Variants in PRKG1 observed in about 807,000 individuals in gnomAD.
PRKG1 encodes cGMP-dependent protein kinase 1.
In PRKG1, 35 loss-of-function variants were observed where a neutral mutation model predicts 88.1. The ratio of observed to expected loss-of-function variants is 0.40; its 90% CI spans 0.30 to 0.53. The LOEUF (loss-of-function observed/expected upper bound fraction) is 0.53, where lower values mean the gene tolerates loss of function less well. Ranked by LOEUF, PRKG1 falls within the 20% of genes least tolerant of loss-of-function variation. The pLI is 0.59. For missense variants in PRKG1, 540 were observed against 839.8 expected (o/e 0.64, Z 4.41); for synonymous variants, 303 against 292.5 (o/e 1.04, Z -0.37).
chr10:51,327,255 A>G (rs977525965), intron 2 of PRKG1, among the ~76,000 whole-genome samples: 1 of 151,982 alleles, frequency 6.6e-6, no homozygotes, highest in Non-Finnish European at 1.5e-5. Flanking sequence ...TCTCTACTGA[A>G]AATACGAAAA....
chr10:51,114,450 T>G (rs1845059051), intron 1 of PRKG1, among the ~76,000 whole-genome samples: 1 of 151,774 alleles, frequency 6.6e-6, no homozygotes, highest in South Asian at 2.1e-4. Flanking sequence ...TGTGTGTGTG[T>G]GTGGATGTGC....
intron 3 of PRKG1, among the ~76,000 whole-genome samples, chr10:51,780,758 T>A (rs1954624): frequency 1.1e-3 from 166 of 152,240 alleles, no homozygotes; most frequent in Middle Eastern, 3.4e-3. Context: ...TAGCTGATGA[T>A]TGGGGAATTT....
chr10:51,862,135 G>A (rs1422815122), intron 4 of PRKG1, among the ~76,000 whole-genome samples: 1 of 152,202 alleles, frequency 6.6e-6, no homozygotes, highest in Admixed American at 6.5e-5. Context: ...TGCCCACAGT[G>A]TGGCAAACAA....
intron 7 of PRKG1, among the ~76,000 whole-genome samples, chr10:52,093,670 G>C (rs1330691815): frequency 6.6e-6 from 1 of 152,024 alleles, no homozygotes; most frequent in African/African-American, 2.4e-5. Context: ...TTTCTTCTTT[G>C]TTTTGAATTA....
At chr10:51,056,439 T>C (rs190194622) in intron 1 of PRKG1, among the ~76,000 whole-genome samples, 3 of 152,324 alleles carry the variant, frequency 2.0e-5, no homozygotes, top group Admixed American at 2.0e-4. Flanking sequence ...AATGCTTGTT[T>C]ATTATAAGAA....
At chr10:51,102,737 A>T (rs1210367849) in intron 1 of PRKG1, among the ~76,000 whole-genome samples, 2 of 152,198 alleles carry the variant, frequency 1.3e-5, no homozygotes, top group Admixed American at 6.6e-5. Flanking sequence ...CATCTATGTG[A>T]ACAGGGCTTC....
chr10:51,744,175 C>T (rs758298949), intron 3 of PRKG1, among the ~76,000 whole-genome samples: 18 of 151,896 alleles, frequency 1.2e-4, no homozygotes, highest in Admixed American at 4.6e-4. Context: ...ATGGGCAGGC[C>T]ATAGATTTTC....
intron 2 of PRKG1, among the ~76,000 whole-genome samples, chr10:51,243,357 A>G (rs986547576): frequency 6.6e-6 from 1 of 152,210 alleles, no homozygotes; most frequent in African/African-American, 2.4e-5. Context: ...GGAAAAGCTC[A>G]GTCCCTGGAA....
In PRKG1 at chr10:51,084,919, T is replaced by C. The variant is rs181959649; in HGVS notation, c.311+10018T>C. Among the ~76,000 whole-genome samples the C allele has an allele frequency of 2.1e-3, 327 of 152,342 alleles. 1 individual carries two copies. Among genetic ancestry groups the C allele is most frequent in the African/African-American group, 7.6e-3 (314 of 41,570 alleles). ...GGTAATATCAAGCTTTCACCAGATC[T>C]TGGCCAAGGAATAAGGAGATAATGT... On this transcript the variant is annotated intron_variant, in intron 1 of 17. Coordinates refer to ENST00000373980, the MANE Select transcript of PRKG1 (RefSeq NM_006258.4).
intron 2 of PRKG1, among the ~76,000 whole-genome samples, chr10:51,414,813 T>C (rs1038140867): frequency 6.6e-6 from 1 of 152,224 alleles, no homozygotes; most frequent in Non-Finnish European, 1.5e-5. Flanking sequence ...CACATAATTC[T>C]TTTCTGCATT....
In PRKG1 at chr10:52,008,080, A is replaced by G. The variant is rs142743056; in HGVS notation, c.763-46404A>G. ...AATCAAGAAAATCTTTGAAACTAAT[A>G]AGAACAAAGATACAACATACCAGAA... On this transcript the variant is annotated intron_variant, in intron 5 of 17. Transcript: ENST00000373980. 6.9e-3 allele frequency among the ~76,000 whole-genome samples: 1,050 copies of G among 152,236 alleles called. 8 individuals are homozygous for G. Among genetic ancestry groups the G allele is most frequent in the African/African-American group, 0.023 (963 of 41,558 alleles).
In PRKG1 at chr10:51,551,429, A is replaced by G. The variant is rs145507811; in HGVS notation, c.592+83593A>G. ...TAATACAACCATTTGATATATAAGAATAGTTCATTTATTAGTCAAGTTGTA... is the reference window on the plus strand; with the variant it reads ...TAATACAACCATTTGATATATAAGAGTAGTTCATTTATTAGTCAAGTTGTA... On this transcript the variant is annotated intron_variant, in intron 3 of 17. Transcript: ENST00000373980. Among the ~76,000 whole-genome samples, 362 of 152,052 alleles carry G rather than the reference A, an allele frequency of 2.4e-3. 3 individuals are homozygous for G. Among genetic ancestry groups the G allele is most frequent in the African/African-American group, 8.3e-3 (346 of 41,556 alleles).
chr10:51,791,431 T>A (rs1048074159), intron 3 of PRKG1, among the ~76,000 whole-genome samples: 2 of 152,156 alleles, frequency 1.3e-5, no homozygotes, highest in Non-Finnish European at 1.5e-5. Flanking sequence ...TGAAGTCTAA[T>A]AAACCCATCA....
intron 1 of PRKG1, among the ~76,000 whole-genome samples, chr10:51,050,625 G>T (rs920461083): frequency 1.3e-5 from 2 of 152,082 alleles, no homozygotes; most frequent in East Asian, 3.8e-4. Context: ...AAACATGAAC[G>T]TGGTGACATC....
At chr10:51,019,063 A>G (rs922437779) in intron 1 of PRKG1, among the ~76,000 whole-genome samples, 2 of 152,188 alleles carry the variant, frequency 1.3e-5, no homozygotes, top group African/African-American at 4.8e-5. Flanking sequence ...TTCTGTCATT[A>G]TGAACTCTAT....
intron 3 of PRKG1, among the ~76,000 whole-genome samples, chr10:51,629,788 C>T (rs890035278): frequency 1.3e-5 from 2 of 152,054 alleles, no homozygotes; most frequent in African/African-American, 2.4e-5. Flanking sequence ...CTTTCCAGTT[C>T]GCGGGTATTT....
chr10:52,272,373 T>C lies in PRKG1; in HGVS notation c.1314-19T>C. 1 of 1,540,676 alleles carries C rather than the reference T, an allele frequency of 6.5e-7. No homozygotes were observed. Among genetic ancestry groups the C allele is most frequent in the Non-Finnish European group, 8.9e-7 (1 of 1,124,400 alleles). ...ACAGTAATGTTTATAATCTTTGTTT[T>C]CTTGTTTGCAATTTACAGACTGTAC... On this transcript the variant is annotated intron_variant, in intron 11 of 17. Transcript: ENST00000373980.
intron 1 of PRKG1, among the ~76,000 whole-genome samples, chr10:51,089,596 A>T (rs1167322468): frequency 6.6e-6 from 1 of 152,184 alleles, no homozygotes; most frequent in East Asian, 1.9e-4. Flanking sequence ...TCCTATAAAA[A>T]ACTTTTCACC....
intron 8 of PRKG1, among the ~76,000 whole-genome samples, chr10:52,156,268 G>T (rs1838094004): frequency 6.6e-6 from 1 of 151,898 alleles, no homozygotes; most frequent in African/African-American, 2.4e-5. Context: ...TATCTGATAT[G>T]ATTTTGAGTA....
Sources: gnomAD v4.1 joint callset for allele counts (sites outside exome capture counted in the v4.1 genomes callset) on GRCh38, gnomAD v4.1.1 for gene constraint, MANE v1.5 for transcripts, NCBI Gene and HGNC (gene_info 2026-07-23, HGNC 2026-07-21) for gene names.